Variants in RPF2 observed in about 807,000 individuals in gnomAD.
The protein encoded by RPF2 is brix domain containing 1.
RPF2 carries 21 observed loss-of-function variants against 38.9 expected under a neutral mutation model. The observed-to-expected ratio is 0.54, with a 90% confidence interval of 0.38 to 0.78. The LOEUF is 0.78. Ranked by LOEUF, RPF2 falls within the 30% of genes least tolerant of loss-of-function variation. RPF2 has a pLI of 0.00. For missense variants in RPF2, 314 were observed against 358.1 expected (o/e 0.88, Z 0.99); for synonymous variants, 121 against 126.2 (o/e 0.96, Z 0.28).
intron 2 of RPF2, among the ~76,000 whole-genome samples, chr6:110,985,497 A>G (rs181730226): frequency 6.6e-6 from 1 of 152,228 alleles, no homozygotes; most frequent in Non-Finnish European, 1.5e-5. Context: ...ATATTTAGTC[A>G]TTCAACAACA....
chr6:111,002,916 C>A (rs1306107451), intron 6 of RPF2, among the ~76,000 whole-genome samples: 3 of 151,718 alleles, frequency 2.0e-5, no homozygotes, highest in African/African-American at 7.3e-5. Context: ...TTACAGGCGC[C>A]CACACTCGGC....
At position 111,014,034 on chromosome 6, in the gene RPF2, G is replaced by GT. The variant is rs200301289; in HGVS notation, c.494-1708dup. 0.021 allele frequency among the ~76,000 whole-genome samples: 3,071 copies of GT among 145,030 alleles called. 283 individuals are homozygous for GT. In the East Asian group the frequency reaches 0.32, roughly 15 times the overall value. ...TTTTTTAAATTAAAAATGTTCATTA[G>GT]TTTTTTTTTTTTCTTGTTTGGGGGA... is the stretch of plus-strand genomic sequence containing the variant. On this transcript the variant is annotated intron_variant, in intron 7 of 9. Coordinates refer to ENST00000441448, the MANE Select transcript of RPF2 (RefSeq NM_032194.3).
intron 2 of RPF2, 39 bp from the exon 3 acceptor site, chr6:110,988,989 A>G (rs367655314): frequency 1.9e-6 from 3 of 1,588,068 alleles, no homozygotes; most frequent in Non-Finnish European, 2.6e-6. Context: ...GCTTTTCAGA[A>G]TGTGTTTTGT....
intron 9 of RPF2, among the ~76,000 whole-genome samples, chr6:111,025,176 A>G (rs1183789012): frequency 1.3e-5 from 2 of 152,222 alleles, no homozygotes; most frequent in Non-Finnish European, 2.9e-5. Flanking sequence ...GCAGAATATC[A>G]GGCCCTACCC....
intron 6 of RPF2, among the ~76,000 whole-genome samples, chr6:111,002,497 C>T (rs1771826493): frequency 6.6e-6 from 1 of 151,892 alleles, no homozygotes; most frequent in Admixed American, 6.6e-5. Context: ...GCCACCATGC[C>T]CAGCCACATT....
intron 6 of RPF2, among the ~76,000 whole-genome samples, chr6:111,004,428 C>T (rs971136600): frequency 6.6e-6 from 1 of 152,106 alleles, no homozygotes; most frequent in African/African-American, 2.4e-5. Context: ...GTGATCCACC[C>T]ACCTCGGCCT....
chr6:111,023,160 A>G (rs566145922), intron 8 of RPF2, among the ~76,000 whole-genome samples: 1 of 152,322 alleles, frequency 6.6e-6, no homozygotes, highest in Admixed American at 6.5e-5. Context: ...TAGCCTCCCA[A>G]AGTGCTGGGA....
rs915463521 is a variant in RPF2, at chr6:111,024,690, G to A, written c.741+363G>A. On this transcript the variant is annotated intron_variant, in intron 9 of 9. Transcript: ENST00000441448. ...ATCACGCCATTGCACTCCAGCGTGG[G>A]TGACAGAGTGAGCCAAAAAAAAAAA... Among the ~76,000 whole-genome samples the A allele has an allele frequency of 2.8e-5, 4 of 144,968 alleles. No homozygotes were observed. In the Admixed American group the frequency reaches 2.8e-4, roughly 10 times the overall value.
At chr6:111,004,636 C>G (rs1335041185) in intron 6 of RPF2, among the ~76,000 whole-genome samples, 1 of 151,748 alleles carries the variant, frequency 6.6e-6, no homozygotes, top group African/African-American at 2.4e-5. Context: ...ACCTCCACCC[C>G]AAGGTTCAAG....
At chr6:111,013,977 A>T (rs1772061955) in intron 7 of RPF2, among the ~76,000 whole-genome samples, 1 of 152,026 alleles carries the variant, frequency 6.6e-6, no homozygotes, top group South Asian at 2.1e-4. Context: ...TCCGTACATA[A>T]TATATGTATA....
intron 8 of RPF2, among the ~76,000 whole-genome samples, chr6:111,016,874 T>C (rs1772124652): frequency 6.6e-6 from 1 of 150,822 alleles, no homozygotes; most frequent in Non-Finnish European, 1.5e-5. Context: ...GATTAGGGAG[T>C]GGTGATGACT....
At chr6:111,007,986 A>G in intron 6 of RPF2, 52 bp from the exon 7 acceptor site, 5 of 1,493,308 alleles carry the variant, frequency 3.3e-6, no homozygotes, top group Non-Finnish European at 4.5e-6. Flanking sequence ...ATCAATATAT[A>G]AACAGTTTAG....
intron 8 of RPF2, among the ~76,000 whole-genome samples, chr6:111,019,831 C>G (rs931342440): frequency 6.6e-6 from 1 of 152,158 alleles, no homozygotes; most frequent in African/African-American, 2.4e-5. Context: ...AGACTTGGAT[C>G]TCATCCCCAA....
intron 2 of RPF2, among the ~76,000 whole-genome samples, chr6:110,988,005 A>G (rs1771553092): frequency 6.6e-6 from 1 of 152,084 alleles, no homozygotes; most frequent in Non-Finnish European, 1.5e-5. Flanking sequence ...AATTTAAAAA[A>G]ATAATAAAAT....
rs1391806008 is a variant in RPF2 at position 111,028,040 on chromosome 6, C to A, written c.*2458C>A. The A allele has an allele frequency of 2.6e-5, 4 of 152,062 alleles. No individual in the cohort carries two copies. The highest frequency in any genetic ancestry group is 9.7e-5 in the African/African-American group (4 of 41,418). 9.4% of individuals were successfully genotyped at this position (152,062 alleles called of 1,614,324 possible). A position where few individuals can be genotyped will look rare whatever the true frequency, so the allele number is the denominator to read the frequency against. On this transcript the variant is annotated 3_prime_UTR_variant, in exon 10 of 10. Transcript: ENST00000441448. ...GTTGGGTTTTGGTAGATGAGGAAAG[C>A]ATTTTGGTTATTTGTTTTGTTTTAA... is the stretch of plus-strand genomic sequence containing the variant.
At chr6:110,992,137 T>C (rs1038168430) in intron 4 of RPF2, among the ~76,000 whole-genome samples, 1 of 151,852 alleles carries the variant, frequency 6.6e-6, no homozygotes, top group Non-Finnish European at 1.5e-5. Context: ...AGAAACCCCG[T>C]CTCTACTAAA....
intron 7 of RPF2, among the ~76,000 whole-genome samples, chr6:111,009,380 A>T (rs1432366756): frequency 6.6e-6 from 1 of 151,156 alleles, no homozygotes; most frequent in Non-Finnish European, 1.5e-5. Context: ...TTTAGTAGAG[A>T]CAGGGTTTTG....
At chr6:110,990,079 C>T (rs1243060809) in intron 3 of RPF2, among the ~76,000 whole-genome samples, 3 of 151,920 alleles carry the variant, frequency 2.0e-5, no homozygotes, top group South Asian at 2.1e-4. Context: ...ACTGGGATTA[C>T]GGGCATGCGC....
chr6:111,014,784 T>G (rs1772078831), intron 7 of RPF2, among the ~76,000 whole-genome samples: 2 of 152,238 alleles, frequency 1.3e-5, no homozygotes. Context: ...TGTAGTATCC[T>G]TAGCGTGCAG....
Sources: allele counts gnomAD v4.1 joint callset (sites outside exome capture counted in the v4.1 genomes callset), GRCh38; gene constraint gnomAD v4.1.1; transcripts MANE v1.5; gene names NCBI Gene and HGNC (gene_info 2026-07-23, HGNC 2026-07-21).